CNMD: variants seen among roughly 807,000 people sequenced by gnomAD.
CNMD encodes the protein chondromodulin, also known as leukocyte cell-derived chemotaxin 1.
Under a neutral mutation model 37.5 loss-of-function variants are expected in CNMD, and 30 were observed. The observed-to-expected ratio is 0.80, with a 90% CI of 0.60 to 1.09. The LOEUF is 1.09. CNMD is among the 50% of genes least tolerant of loss of function. The pLI, the probability that CNMD is intolerant of heterozygous loss-of-function variation, is 0.00. For missense variants in CNMD, 398 were observed against 423.9 expected, an observed-to-expected ratio of 0.94 and a Z score of 0.54; for synonymous variants, 167 against 148.2, an observed-to-expected ratio of 1.13 and a Z score of -0.92.
intron 4 of CNMD, among the ~76,000 whole-genome samples, chr13:52,721,239 A>G (rs758258915): frequency 6.6e-6 from 1 of 152,162 alleles, no homozygotes; most frequent in Non-Finnish European, 1.5e-5. Context: ...GCTGGGCTCC[A>G]TGGGGGTGGG....
At chr13:52,721,083 G>A (rs1303928973) in intron 4 of CNMD, among the ~76,000 whole-genome samples, 1 of 152,086 alleles carries the variant, frequency 6.6e-6, no homozygotes, top group African/African-American at 2.4e-5. Context: ...ACTTCCTGGC[G>A]GCTTTGTTTA....
Position 52,739,804 on chromosome 13 carries a change from G to A in CNMD, c.-103C>T. ...GCATTTCAACGCCGCGCGCACACAC[G>A]GTGCACGGTCCCGCCTGGGCCAGCC... On this transcript the variant is annotated 5_prime_UTR_variant, in exon 1 of 7. Coordinates refer to ENST00000377962, the MANE Select transcript of CNMD (RefSeq NM_007015.3). This position sits in a 1 kb window ranked among gnomAD's most constrained non-coding sequence, Gnocchi z 5.4. The A allele has an allele frequency of 1.0e-6, 1 of 994,722 alleles. No homozygotes were observed. The highest frequency in any genetic ancestry group is 1.6e-6 in the Non-Finnish European group (1 of 642,606). The allele number at this position is 994,722 out of a possible 1,614,324, so 61.6% of individuals were successfully genotyped here. A position where few individuals can be genotyped will look rare whatever the true frequency, so the allele number is the denominator to read the frequency against.
chr13:52,737,233 G>C (rs1964785077), intron 2 of CNMD, among the ~76,000 whole-genome samples: 1 of 152,174 alleles, frequency 6.6e-6, no homozygotes, highest in African/African-American at 2.4e-5. Flanking sequence ...ACCTGTGCAT[G>C]TGCTATGCCT....
intron 3 of CNMD, among the ~76,000 whole-genome samples, chr13:52,728,001 CATT>C (rs1166265604): frequency 6.6e-6 from 1 of 152,192 alleles, no homozygotes; most frequent in African/African-American, 2.4e-5. Context: ...AATACCCTAA[CATT>C]ATCATTACAC....
At chr13:52,735,914 C>T (rs111356826) in intron 2 of CNMD, among the ~76,000 whole-genome samples, 4,583 of 151,522 alleles carry the variant, frequency 0.03, 115 homozygotes, top group Admixed American at 0.079. Flanking sequence ...ACTGCAACCT[C>T]CGCCTCCCAG....
At chr13:52,708,441 A>G (rs1415398814) in intron 6 of CNMD, 95 bp downstream of exon 6, 1 of 1,145,056 alleles carries the variant, frequency 8.7e-7, no homozygotes, top group Non-Finnish European at 1.2e-6. Flanking sequence ...CCTGCCTCCC[A>G]AAGTGCTAGG....
chr13:52,716,776 T>G (rs967260713), intron 4 of CNMD, among the ~76,000 whole-genome samples: 5 of 152,200 alleles, frequency 3.3e-5, no homozygotes, highest in Non-Finnish European at 7.4e-5. Flanking sequence ...TGAAGTCAGG[T>G]AGCATGATGC....
chr13:52,731,310 G>A lies in CNMD; in HGVS notation c.354+1909C>T, dbSNP rs76428290. Among the ~76,000 whole-genome samples the A allele has an allele frequency of 2.6e-3, 398 of 152,252 alleles. 1 individual carries two copies. The highest frequency in any genetic ancestry group is 6.8e-3 in the Middle Eastern group (2 of 294). On this transcript the variant is annotated intron_variant, in intron 3 of 6. Transcript: ENST00000377962. ...CTTGAGGGAAGGGTCCATCATTTTC[G>A]CATTCCGCCTGCTTAGCATCATCCC...
At chr13:52,731,310 G>T (rs76428290) in intron 3 of CNMD, among the ~76,000 whole-genome samples, 1 of 152,134 alleles carries the variant, frequency 6.6e-6, no homozygotes, top group Non-Finnish European at 1.5e-5. Context: ...CATCATTTTC[G>T]CATTCCGCCT....
rs1426587767 is a variant in CNMD at position 52,730,509 on chromosome 13, G to C, written c.354+2710C>G. Among the ~76,000 whole-genome samples the C allele has an allele frequency of 4.6e-5, 7 of 151,774 alleles. 1 individual carries two copies. Among genetic ancestry groups the C allele is most frequent in the Non-Finnish European group, 2.9e-5 (2 of 67,936 alleles). ...GTTGTTTCCTGACTTTTTAATGACTGCCATTCTAACTGGTGTGAGATGGTA... is the reference window on the plus strand; with the variant it reads ...GTTGTTTCCTGACTTTTTAATGACTCCCATTCTAACTGGTGTGAGATGGTA... On this transcript the variant is annotated intron_variant, in intron 3 of 6. Coordinates refer to ENST00000377962, the MANE Select transcript of CNMD (RefSeq NM_007015.3).
At chr13:52,736,590 A>G (rs183681785) in intron 2 of CNMD, among the ~76,000 whole-genome samples, 122 of 152,298 alleles carry the variant, frequency 8.0e-4, no homozygotes, top group African/African-American at 2.7e-3. Flanking sequence ...TGGAGCAGCA[A>G]TTACCTTATC....
chr13:52,716,677 T>C (rs1964388250), intron 4 of CNMD, among the ~76,000 whole-genome samples: 1 of 152,216 alleles, frequency 6.6e-6, no homozygotes, highest in African/African-American at 2.4e-5. Context: ...GCATTATTTC[T>C]GAGGGCTCTG....
intron 3 of CNMD, among the ~76,000 whole-genome samples, chr13:52,730,353 G>A (rs1053513618): frequency 1.3e-5 from 2 of 152,076 alleles, no homozygotes; most frequent in Non-Finnish European, 2.9e-5. Context: ...TGGGATGGCT[G>A]GGTCAAATGG....
Position 52,739,664 on chromosome 13 carries a change from A to C in CNMD, c.38T>G (p.Val13Gly), listed in dbSNP as rs778030442. The C allele has an allele frequency of 1.6e-5, 26 of 1,614,134 alleles. No homozygotes were observed. In the Admixed American group the frequency reaches 4.3e-4, roughly 27 times the overall value. The change falls in exon 1 of 7, where the codon GTG (valine) becomes GGG (glycine). Residue 13 changes from valine to glycine, a missense_variant. Physicochemically the swap from Val to Gly is moderately radical, Grantham distance 109 (BLOSUM62 -3). Coordinates refer to ENST00000377962, the MANE Select transcript of CNMD (RefSeq NM_007015.3). The surrounding 1 kb of genome is among the most constrained non-coding windows in gnomAD (Gnocchi z 5.4). ...GCAGAATTCCACGTCATCAGGTCCCACCAGGGCAATGGGAACTTTGTCGGA... is the reference window on the plus strand; with the variant it reads ...GCAGAATTCCACGTCATCAGGTCCCCCCAGGGCAATGGGAACTTTGTCGGA... ...ENSDKVPIALVGPDDVEFCSP... is the reference protein window; with the variant it reads ...ENSDKVPIALGGPDDVEFCSP...
At chr13:52,709,416 T>C (rs1180307736) in intron 5 of CNMD, among the ~76,000 whole-genome samples, 1 of 152,256 alleles carries the variant, frequency 6.6e-6, no homozygotes, top group Non-Finnish European at 1.5e-5. Context: ...ATTGTAGCCC[T>C]AAGTATTTCT....
At chr13:52,731,811 C>T (rs1165118793) in intron 3 of CNMD, among the ~76,000 whole-genome samples, 1 of 152,184 alleles carries the variant, frequency 6.6e-6, no homozygotes, top group Non-Finnish European at 1.5e-5. Flanking sequence ...GTTGGGGAGT[C>T]ACATTTTATT....
chr13:52,716,326 T>A (rs1964380737), intron 4 of CNMD, among the ~76,000 whole-genome samples: 2 of 152,246 alleles, frequency 1.3e-5, no homozygotes, highest in South Asian at 4.1e-4. Flanking sequence ...ATAGTTTCTT[T>A]TGCTGTGCAG....
rs544993078 is a variant in CNMD, at chr13:52,717,644, TG to T, written c.469-4776del. ...GTTCTGTTTAGGTAATGGATTATGT[TG>T]ATTGATTTGTGTATGTTGTACCAGC... On this transcript the variant is annotated intron_variant, in intron 4 of 6. Transcript: ENST00000377962. 2.2e-3 allele frequency among the ~76,000 whole-genome samples: 330 copies of T among 152,332 alleles called. 1 individual carries two copies. The highest frequency in any genetic ancestry group is 1.6e-3 in the Non-Finnish European group (109 of 68,022).
chr13:52,715,581 T>C (rs1964363284), intron 4 of CNMD, among the ~76,000 whole-genome samples: 1 of 152,172 alleles, frequency 6.6e-6, no homozygotes, highest in East Asian at 1.9e-4. Flanking sequence ...CAGCTCCTAC[T>C]TGTGAGTGAG....
Sources: gnomAD v4.1 joint callset for allele counts (sites outside exome capture counted in the v4.1 genomes callset) on GRCh38, gnomAD v4.1.1 for gene constraint, Gnocchi (gnomAD v3.1) non-coding constraint, MANE v1.5 for transcripts, NCBI Gene and HGNC (gene_info 2026-07-23, HGNC 2026-07-21) for gene names.